Variants in CACNA1D observed in about 807,000 individuals in gnomAD.
CACNA1D encodes calcium voltage-gated channel subunit alpha1 D.
A neutral mutation model predicts 257.1 loss-of-function variants in CACNA1D; 55 were observed. That is an observed-to-expected ratio of 0.21 (90% confidence interval 0.17 to 0.27). The LOEUF is 0.27. Ranked by LOEUF, CACNA1D falls within the 10% of genes least tolerant of loss-of-function variation. CACNA1D has a pLI of 1.00. For synonymous variants in CACNA1D, 980 were observed against 1,014.9 expected (o/e 0.97, Z 0.65); for missense variants, 1,876 against 2,784.0 (o/e 0.67, Z 7.34).
Position 53,738,525 on chromosome 3 carries a change from G to A in CACNA1D, c.2752-1755G>A, listed in dbSNP as rs190429362. On this transcript the variant is annotated intron_variant, in intron 20 of 47. Transcript: ENST00000350061. ...CAGTGTTTGGAAAAAAACAGCATTA[G>A]GTGACAAACTAGGCCAGGAGCTAGT... 3.3e-5 allele frequency among the ~76,000 whole-genome samples: 5 copies of A among 152,256 alleles called. No homozygotes were observed. The East Asian group carries it at 9.7e-4, about 29-fold the overall frequency.
At chr3:53,508,528 C>T (rs950975473) in intron 3 of CACNA1D, among the ~76,000 whole-genome samples, 7 of 152,270 alleles carry the variant, frequency 4.6e-5, no homozygotes, top group South Asian at 2.1e-4. Flanking sequence ...CCTCTGTGTT[C>T]GTAAGTTCTT....
At chr3:53,650,954 G>C (rs1192104281) in intron 4 of CACNA1D, 36 bp downstream of exon 4, 10 of 1,480,844 alleles carry the variant, frequency 6.8e-6, no homozygotes, top group African/African-American at 1.4e-5. Context: ...TGTTGATTTG[G>C]AAAATGGGAG....
intron 25 of CACNA1D, among the ~76,000 whole-genome samples, chr3:53,746,207 C>G (rs2108845744): frequency 6.6e-6 from 1 of 152,198 alleles, no homozygotes; most frequent in Non-Finnish European, 1.5e-5. Context: ...TGGGGGAACC[C>G]TGAAATAACA....
At chr3:53,610,814 C>T (rs890026573) in intron 3 of CACNA1D, among the ~76,000 whole-genome samples, 3 of 152,092 alleles carry the variant, frequency 2.0e-5, no homozygotes, top group South Asian at 2.1e-4. Flanking sequence ...TCTCTGTATA[C>T]GTGTATTTAC....
intron 45 of CACNA1D, 45 bp from the exon 46 acceptor site, chr3:53,808,604 C>G: frequency 6.2e-7 from 1 of 1,601,972 alleles, no homozygotes; most frequent in African/African-American, 1.3e-5. Flanking sequence ...GGTGTCCCGG[C>G]AGAGAACTTG....
rs184163587 is a variant in CACNA1D at position 53,620,558 on chromosome 3, T to C, written c.484-30221T>C. Among the ~76,000 whole-genome samples the C allele has an allele frequency of 2.6e-5, 4 of 151,050 alleles. No homozygotes were observed. In the East Asian group the frequency reaches 7.7e-4, roughly 29 times the overall value. On this transcript the variant is annotated intron_variant, in intron 3 of 47. Coordinates refer to ENST00000350061, the MANE Select transcript of CACNA1D (RefSeq NM_001128840.3). ...TTCCCCTCTTGGCTTCCCAAAGTGC[T>C]GGGATTACAGGCGTGAGCCATGATT...
chr3:53,583,051 T>C (rs2093158065), intron 3 of CACNA1D, among the ~76,000 whole-genome samples: 1 of 152,150 alleles, frequency 6.6e-6, no homozygotes. Flanking sequence ...TTGAAAGCCT[T>C]CACCATTCTC....
At chr3:53,529,473 A>G (rs993131645) in intron 3 of CACNA1D, among the ~76,000 whole-genome samples, 4 of 152,124 alleles carry the variant, frequency 2.6e-5, no homozygotes, top group African/African-American at 9.7e-5. Flanking sequence ...TTTCTTTGTA[A>G]TGTCCCTGTC....
intron 40 of CACNA1D, among the ~76,000 whole-genome samples, chr3:53,787,449 G>GTGTGTGTGTA (rs1284643909): frequency 6.6e-6 from 1 of 151,168 alleles, no homozygotes; most frequent in Non-Finnish European, 1.5e-5. Context: ...GTGTGTGTGT[G>GTGTGTGTGTA]TGTGTATGTA....
At chr3:53,572,035 T>A (rs368717055) in intron 3 of CACNA1D, among the ~76,000 whole-genome samples, 1 of 152,246 alleles carries the variant, frequency 6.6e-6, no homozygotes, top group East Asian at 1.9e-4. Flanking sequence ...CTGATTTGTT[T>A]GAGGTTACCA....
intron 3 of CACNA1D, among the ~76,000 whole-genome samples, chr3:53,534,755 C>T (rs1473509352): frequency 6.6e-6 from 1 of 152,200 alleles, no homozygotes; most frequent in Non-Finnish European, 1.5e-5. Context: ...CTGTAGTTGG[C>T]ATAATTAAAT....
At chr3:53,504,189 A>G (rs1179505907) in intron 3 of CACNA1D, among the ~76,000 whole-genome samples, 1 of 152,180 alleles carries the variant, frequency 6.6e-6, no homozygotes, top group African/African-American at 2.4e-5. Flanking sequence ...TGTGAATGGT[A>G]AAATCAAAGG....
chr3:53,679,945 T>G (rs779818647), intron 8 of CACNA1D, among the ~76,000 whole-genome samples: 1 of 152,224 alleles, frequency 6.6e-6, no homozygotes, highest in South Asian at 2.1e-4. Context: ...ATGAGAGTGC[T>G]AAATTTCCTT....
chr3:53,534,277 T>G (rs2092044864), intron 3 of CACNA1D, among the ~76,000 whole-genome samples: 1 of 152,198 alleles, frequency 6.6e-6, no homozygotes, highest in Admixed American at 6.5e-5. Flanking sequence ...CCTGTGTGGC[T>G]TTTCCTTTCT....
At position 53,776,842 on chromosome 3, in the gene CACNA1D, AT is replaced by A. The variant is rs561545342; in HGVS notation, c.4491-16del. On this transcript the variant is annotated splice_polypyrimidine_tract_variant and intron_variant, in intron 36 of 47. Coordinates refer to ENST00000350061, the MANE Select transcript of CACNA1D (RefSeq NM_001128840.3). ...AGCTGGTACTGTTCCTGGACCTTAGATTGTATTTTACTTCCAGGGGAAGGAT... is the reference window on the plus strand; with the variant it reads ...AGCTGGTACTGTTCCTGGACCTTAGATGTATTTTACTTCCAGGGGAAGGAT... The A allele has an allele frequency of 6.5e-5, 105 of 1,613,510 alleles. 1 individual carries two copies. The South Asian group carries it at 1.1e-3, about 17-fold the overall frequency.
intron 8 of CACNA1D, among the ~76,000 whole-genome samples, chr3:53,692,123 G>C (rs2094534663): frequency 6.6e-6 from 1 of 150,586 alleles, no homozygotes; most frequent in African/African-American, 2.5e-5. Context: ...TTATTTAGGT[G>C]ATTTTTATCG....
At chr3:53,766,603 G>A (rs2095333834) in intron 30 of CACNA1D, among the ~76,000 whole-genome samples, 1 of 152,218 alleles carries the variant, frequency 6.6e-6, no homozygotes, top group Non-Finnish European at 1.5e-5. Context: ...CGGTTGCAGG[G>A]GGCTGCCCCA....
Position 53,801,314 on chromosome 3 carries a change from C to T in CACNA1D, c.5297C>T (p.Ala1766Val). The T allele has an allele frequency of 6.2e-7, 1 of 1,614,180 alleles. No homozygotes were observed. The highest frequency in any genetic ancestry group is 1.1e-5 in the South Asian group (1 of 91,080). The change falls in exon 42 of 48, where the codon GCT becomes GTT. Residue 1766 changes from alanine to valine, a missense_variant. Physicochemically the swap from Ala to Val is moderately conservative, Grantham distance 64. This residue lies in a region of CACNA1D where 491 missense variants were observed against 554.3 expected (regional missense o/e 0.89). Coordinates refer to ENST00000350061, the MANE Select transcript of CACNA1D (RefSeq NM_001128840.3). ...CTCAATAATGCCAATATGTCCAAAGCTGCCCATGGAAAGCGGCCCAGCATT... is the reference window on the plus strand; with the variant it reads ...CTCAATAATGCCAATATGTCCAAAGTTGCCCATGGAAAGCGGCCCAGCATT... ...ANLNNANMSK[A>V]AHGKRPSIGN... is the part of the protein sequence containing the mutation.
chr3:53,735,384 G>C lies in CACNA1D; in HGVS notation c.2632G>C (p.Gly878Arg). ...ILSKTNPIRV[G>R]CHKLINHHIF... ...GGCTTTTCCCTGCAGGATCCGCGTA[G>C]GCTGCCACAAGCTCATCAACCACCA... The change falls in exon 20 of 48, where the codon GGC (glycine) becomes CGC (arginine). Residue 878 changes from glycine (G) to arginine (R), a missense_variant. Transcript: ENST00000350061. 4.3e-6 allele frequency: 7 copies of C among 1,614,106 alleles called. No homozygotes were observed. Among genetic ancestry groups the C allele is most frequent in the Non-Finnish European group, 5.9e-6 (7 of 1,179,944 alleles).
Sources: gnomAD v4.1 joint callset for allele counts (sites outside exome capture counted in the v4.1 genomes callset) on GRCh38, gnomAD v4.1.1 for gene constraint, gnomAD v4.1.1 regional missense constraint, MANE v1.5 for transcripts, NCBI Gene and HGNC (gene_info 2026-07-23, HGNC 2026-07-21) for gene names.